The following IFT140 variants were observed in gnomAD, a reference collection of about 807,000 sequenced individuals.
IFT140 encodes intraflagellar transport 140, also known as intraflagellar transport protein 140 homolog.
In IFT140, 133 loss-of-function variants were observed where a neutral mutation model predicts 164.6. That is an observed-to-expected ratio of 0.81 (90% CI 0.70 to 0.93). The LOEUF (loss-of-function observed/expected upper bound fraction) is 0.93, where lower values mean the gene tolerates loss of function less well. IFT140 is among the 40% of genes least tolerant of loss of function. The probability of loss-of-function intolerance (pLI) is 0.00; values close to 1 mark genes in which losing one functional copy is unlikely to be tolerated. For synonymous variants in IFT140, 860 were observed against 817.3 expected, an observed-to-expected ratio of 1.05 and a Z score of -0.89; for missense variants, 2,045 against 1,972.3, an observed-to-expected ratio of 1.04 and a Z score of -0.70.
intron 19 of IFT140, among the ~76,000 whole-genome samples, chr16:1,552,605 A>G (rs2032746482): frequency 6.6e-6 from 1 of 151,624 alleles, no homozygotes; most frequent in Admixed American, 6.6e-5. Context: ...ACTGGTAGAA[A>G]TGCCAGAAGT....
intron 19 of IFT140, 38 bp downstream of exon 19, chr16:1,557,897 G>C: frequency 1.3e-6 from 2 of 1,589,894 alleles, no homozygotes; most frequent in Non-Finnish European, 1.7e-6. Context: ...CCGTGAGCAC[G>C]CGCTATCTCC....
At chr16:1,527,171 C>T (rs1229516351) in intron 19 of IFT140, 2 of 237,438 alleles carry the variant, frequency 8.4e-6, no homozygotes, top group Non-Finnish European at 1.6e-5. Flanking sequence ...CTCCTGCTCT[C>T]ACCTGAGCCT....
chr16:1,584,340 G>A lies in IFT140; in HGVS notation c.1236C>T (p.His412=). The change falls in exon 11 of 31, where the codon CAC becomes CAT. Residue 412 remains histidine, a synonymous_variant. Transcript: ENST00000426508. ...GCATGGCGGCCACTTGCTGGTGGAA[G>A]TGTGACGACATGGCCCGCTCGCTGA... ...AILSERAMSS[H]FHQQVAAMQV... is the part of the protein sequence containing the mutation. The A allele has an allele frequency of 6.2e-7, 1 of 1,613,630 alleles. No homozygotes were observed. Among genetic ancestry groups the A allele is most frequent in the Non-Finnish European group, 8.5e-7 (1 of 1,179,962 alleles).
At chr16:1,549,462 T>C (rs1007978273) in intron 19 of IFT140, among the ~76,000 whole-genome samples, 1 of 152,234 alleles carries the variant, frequency 6.6e-6, no homozygotes, top group Non-Finnish European at 1.5e-5. Context: ...CTTTCGCTCT[T>C]GTTGCCCAGG....
rs762239414 is a variant in IFT140 at position 1,602,526 on chromosome 16, C to T, written c.213G>A (p.Pro71=). The T allele has an allele frequency of 8.7e-6, 14 of 1,613,996 alleles. No homozygotes were observed. Among genetic ancestry groups the T allele is most frequent in the Admixed American group, 5.0e-5 (3 of 60,008 alleles). ...PFRVASLCWH[P]TRLVLAVGWE... is the part of the protein sequence containing the mutation. ...AGCCCACAGCCAGCACCAGCCGCGT[C>T]GGGTGCCAGCACAGGGAAGCAACCC... The change falls in exon 4 of 31, where the codon CCG becomes CCA. Residue 71 remains proline, a synonymous_variant. Coordinates refer to ENST00000426508, the MANE Select transcript of IFT140 (RefSeq NM_014714.4).
At chr16:1,588,107 C>A in intron 7 of IFT140, 83 bp from the exon 8 acceptor site, 1 of 1,074,930 alleles carries the variant, frequency 9.3e-7, no homozygotes, top group Admixed American at 2.2e-5. Flanking sequence ...GTCTCTGGTC[C>A]TCAGTGACTT....
chr16:1,528,333 GTGCACACACA>G (rs2029967058), intron 19 of IFT140, among the ~76,000 whole-genome samples: 1 of 102,894 alleles, frequency 9.7e-6, no homozygotes, highest in African/African-American at 4.3e-5. Flanking sequence ...GCACGCACGT[GTGCACACACA>G]CGCATGCACG....
At chr16:1,529,103 C>T (rs912057177) in intron 19 of IFT140, among the ~76,000 whole-genome samples, 6 of 152,184 alleles carry the variant, frequency 3.9e-5, no homozygotes, top group East Asian at 1.9e-4. Context: ...CCCAGGTGCC[C>T]GCTCCCGAAA....
At position 1,592,170 on chromosome 16, in the gene IFT140, C is replaced by G. The variant is rs368229365; in HGVS notation, c.634+6G>C. On this transcript the variant is annotated splice_donor_region_variant and intron_variant, in intron 6 of 30. Coordinates refer to ENST00000426508, the MANE Select transcript of IFT140 (RefSeq NM_014714.4). ...ACCCCTGAGAATCACAACCAAAGTT[C>G]CTCACCGTCCATCAGACTGACAAAG... The G allele has an allele frequency of 1.7e-5, 28 of 1,614,026 alleles. No individual in the cohort carries two copies. In the African/African-American group the frequency reaches 3.7e-4, roughly 22 times the overall value.
intron 19 of IFT140, chr16:1,541,947 A>G: frequency 6.2e-7 from 1 of 1,608,314 alleles, no homozygotes; most frequent in South Asian, 1.1e-5. Flanking sequence ...GCGCGCCTGC[A>G]ACCTGGTGGC....
intron 19 of IFT140, among the ~76,000 whole-genome samples, chr16:1,544,406 C>T (rs1161439697): frequency 2.0e-5 from 3 of 151,814 alleles, no homozygotes; most frequent in East Asian, 2.0e-4. Flanking sequence ...AGGATGGTCT[C>T]GATCTCCTGA....
At chr16:1,581,275 A>G (rs2034543155) in intron 12 of IFT140, among the ~76,000 whole-genome samples, 1 of 152,188 alleles carries the variant, frequency 6.6e-6, no homozygotes, top group Non-Finnish European at 1.5e-5. Flanking sequence ...TTTTGCCATC[A>G]ACCACAATTA....
chr16:1,581,350 A>G (rs958473125), intron 12 of IFT140, among the ~76,000 whole-genome samples: 2 of 152,162 alleles, frequency 1.3e-5, no homozygotes, highest in African/African-American at 4.8e-5. Context: ...CTGTAATCCC[A>G]GCATTTAGGG....
At chr16:1,567,481 G>A (rs1168546866) in intron 15 of IFT140, among the ~76,000 whole-genome samples, 1 of 152,176 alleles carries the variant, frequency 6.6e-6, no homozygotes, top group Admixed American at 6.5e-5. Flanking sequence ...CCCTCAGCAG[G>A]CCTGGCCGGA....
At chr16:1,602,245 T>G in intron 4 of IFT140, 125 bp downstream of exon 4, 1 of 855,170 alleles carries the variant, frequency 1.2e-6, no homozygotes, top group Non-Finnish European at 1.9e-6. Flanking sequence ...AAATCTACAA[T>G]TGCATCTGAC....
Position 1,553,377 on chromosome 16 carries a change from C to T in IFT140, c.2399+4558G>A. On this transcript the variant is annotated intron_variant, in intron 19 of 30. Transcript: ENST00000426508. This position sits in a 1 kb window ranked among gnomAD's most constrained non-coding sequence, Gnocchi z 4.4. ...CTCTCGATGCTGGGGCCACACAGGG[C>T]AGGGCATGATTTGGTTTCCTGGGGA... is the stretch of plus-strand genomic sequence containing the variant. The T allele has an allele frequency of 1.0e-6, 1 of 985,366 alleles. No individual in the cohort carries two copies. Among genetic ancestry groups the T allele is most frequent in the Non-Finnish European group, 1.2e-6 (1 of 829,912 alleles). 61.0% of individuals were successfully genotyped at this position (985,366 alleles called of 1,614,324 possible). A position where few individuals can be genotyped will look rare whatever the true frequency, so the allele number is the denominator to read the frequency against.
chr16:1,559,854 G>GTGAAGCAAATGACACACGACC (rs1301424439), intron 18 of IFT140, among the ~76,000 whole-genome samples: 3 of 152,236 alleles, frequency 2.0e-5, no homozygotes, highest in African/African-American at 7.2e-5. Flanking sequence ...AAACAACCCG[G>GTGAAGCAAATGACACACGACC]TGAAGCAAAT....
At chr16:1,583,537 G>A (rs917004465) in intron 11 of IFT140, 151 bp from the exon 12 acceptor site, 3 of 614,750 alleles carry the variant, frequency 4.9e-6, no homozygotes, top group African/African-American at 1.9e-5. Context: ...GTCCTCTGTG[G>A]ACAGGCTGAG....
intron 4 of IFT140, among the ~76,000 whole-genome samples, chr16:1,601,597 C>T (rs558135634): frequency 2.6e-5 from 4 of 152,320 alleles, no homozygotes; most frequent in South Asian, 4.1e-4. Context: ...GCGGGCGAAT[C>T]GACATGGAGG....
Sources: allele counts gnomAD v4.1 joint callset (sites outside exome capture counted in the v4.1 genomes callset), GRCh38; gene constraint gnomAD v4.1.1; non-coding constraint Gnocchi (gnomAD v3.1); transcripts MANE v1.5; gene names NCBI Gene and HGNC (gene_info 2026-07-23, HGNC 2026-07-21).